FMNL1: variants seen among roughly 807,000 people sequenced by gnomAD.
FMNL1 encodes the protein formin like 1.
A neutral mutation model predicts 121.3 loss-of-function variants in FMNL1; 43 were observed. The ratio of observed to expected loss-of-function variants is 0.35; its 90% confidence interval spans 0.28 to 0.46. The LOEUF is 0.46. FMNL1 is among the 20% of genes least tolerant of loss of function. FMNL1 has a pLI of 1.00. For synonymous variants in FMNL1, 613 were observed against 613.5 expected (o/e 1.00, Z 0.01); for missense variants, 1,191 against 1,482.4 (o/e 0.80, Z 3.23).
rs372669041 is a variant in FMNL1 at position 45,242,067 on chromosome 17, T to TCCG, written c.1830_1832dup (p.Pro612dup). 70,265 of 1,461,472 alleles carry TCCG rather than the reference T, an allele frequency of 0.048. 1,460 individuals carry two copies. Among genetic ancestry groups the TCCG allele is most frequent in the African/African-American group, 0.077 (5,308 of 69,036 alleles). 90.5% of individuals were successfully genotyped at this position (1,461,472 alleles called of 1,614,324 possible). ...CTCCGGGCACTGACGGGCCGGTGCC[T>TCCG]CCGCCGCCGCCGCCGCCGCCGCCGC... On this transcript the variant is annotated inframe_insertion, in exon 15 of 27. Transcript: ENST00000331495.
At chr17:45,228,210 G>A (rs1218072789) in intron 1 of FMNL1, among the ~76,000 whole-genome samples, 1 of 152,232 alleles carries the variant, frequency 6.6e-6, no homozygotes, top group African/African-American at 2.4e-5. Flanking sequence ...CAGCTGAGGA[G>A]CAGCTGCTAA....
chr17:45,238,130 G>A (rs1293101495), intron 9 of FMNL1: 5 of 193,138 alleles, frequency 2.6e-5, no homozygotes, highest in African/African-American at 4.7e-5. Flanking sequence ...AGACAGAAAC[G>A]ATATAATAAA....
chr17:45,232,838 A>C, intron 3 of FMNL1: 1 of 567,294 alleles, frequency 1.8e-6, no homozygotes, highest in South Asian at 1.5e-5. Flanking sequence ...TAGGAGAGAG[A>C]GAGAATGTGT....
chr17:45,222,154 GC>G lies in FMNL1; in HGVS notation c.33del (p.Ala12ArgfsTer32). 1 of 1,200,310 alleles carries G rather than the reference GC, an allele frequency of 8.3e-7. No homozygotes were observed. Among genetic ancestry groups the G allele is most frequent in the Non-Finnish European group, 1.0e-6 (1 of 969,970 alleles). The allele number at this position is 1,200,310 out of a possible 1,614,324, so 74.4% of individuals were successfully genotyped here. Reference sequence around the variant, plus strand: ...GCAACGCGGCCGGCAGCGCCGAGCAGCCCGCGGGCCCCGCCGCGCCGCCCCC... The same window carrying G: ...GCAACGCGGCCGGCAGCGCCGAGCAGCCGCGGGCCCCGCCGCGCCGCCCCC... The part of the protein sequence containing the change: MGNAAGSAEQ[P>X]AGPAAPPPKQ... On this transcript the variant is annotated frameshift_variant, in exon 1 of 27. Coordinates refer to ENST00000331495, the MANE Select transcript of FMNL1 (RefSeq NM_005892.4). LOFTEE classifies it high-confidence loss of function.
chr17:45,224,340 CT>C (rs2043290491), intron 1 of FMNL1, among the ~76,000 whole-genome samples: 1 of 152,150 alleles, frequency 6.6e-6, no homozygotes, highest in Non-Finnish European at 1.5e-5. Context: ...ACCCTCAGGT[CT>C]GGCAGTGTGT....
intron 18 of FMNL1, 37 bp from the exon 19 acceptor site, chr17:45,244,139 G>T: frequency 6.2e-7 from 1 of 1,611,044 alleles, no homozygotes; most frequent in Non-Finnish European, 8.5e-7. Flanking sequence ...GATGGAGGAG[G>T]CTCCAACTTA....
At chr17:45,246,134 T>G (rs757757042) in intron 24 of FMNL1, 76 bp from the exon 25 acceptor site, 10 of 1,553,512 alleles carry the variant, frequency 6.4e-6, no homozygotes, top group Middle Eastern at 1.7e-4. Context: ...GTCCTTGCTG[T>G]GGGGGACCAG....
chr17:45,241,812 C>T lies in FMNL1; in HGVS notation c.1586-35C>T. 4 of 1,403,144 alleles carry T rather than the reference C, an allele frequency of 2.9e-6. No individual in the cohort carries two copies. Among genetic ancestry groups the T allele is most frequent in the Non-Finnish European group, 3.7e-6 (4 of 1,085,956 alleles). 86.9% of individuals were successfully genotyped at this position (1,403,144 alleles called of 1,614,324 possible). A position where few individuals can be genotyped will look rare whatever the true frequency, so the allele number is the denominator to read the frequency against. On this transcript the variant is annotated intron_variant, in intron 14 of 26. Coordinates refer to ENST00000331495, the MANE Select transcript of FMNL1 (RefSeq NM_005892.4). This position sits in a 1 kb window ranked among gnomAD's most constrained non-coding sequence, Gnocchi z 7.0. ...GCCCACCCAAGTCAAGGAGCTGACT[C>T]GCGCCTCCCCCACGCCGCGCCCTCG...
chr17:45,222,081 A>T lies in FMNL1; in HGVS notation c.-44A>T. The T allele has an allele frequency of 8.8e-7, 1 of 1,135,818 alleles. No individual in the cohort carries two copies. Among genetic ancestry groups the T allele is most frequent in the Non-Finnish European group, 1.1e-6 (1 of 927,120 alleles). 70.4% of individuals were successfully genotyped at this position (1,135,818 alleles called of 1,614,324 possible). On this transcript the variant is annotated 5_prime_UTR_variant, in exon 1 of 27. Coordinates refer to ENST00000331495, the MANE Select transcript of FMNL1 (RefSeq NM_005892.4). ...TCGTCCCCGTCCCCCGGAAAGCTGGATTTCCGAGGCTGGAGGCGCCTGGCC... is the reference window on the plus strand; with the variant it reads ...TCGTCCCCGTCCCCCGGAAAGCTGGTTTTCCGAGGCTGGAGGCGCCTGGCC...
At position 45,243,860 on chromosome 17, in the gene FMNL1, G is replaced by C. The variant is rs2043765534; in HGVS notation, c.2283G>C (p.Glu761Asp). The change falls in exon 18 of 27, where the codon GAG (glutamate) becomes GAC (aspartate). Residue 761 changes from glutamate to aspartate, a missense_variant. Glu to Asp is a conservative substitution (Grantham distance 45). Around this residue, in one of 4 missense-constraint regions of FMNL1, gnomAD observed 367 missense variants for 528.6 expected, o/e 0.69. Transcript: ENST00000331495. ...LLMRFLPTEY[E>D]RSLITRFERE... ...TGCGCTTCCTGCCCACAGAGTATGAGCGCAGCCTCATCACCCGCTTTGAGC... is the reference window on the plus strand; with the variant it reads ...TGCGCTTCCTGCCCACAGAGTATGACCGCAGCCTCATCACCCGCTTTGAGC... 1 of 1,613,926 alleles carries C rather than the reference G, an allele frequency of 6.2e-7. No homozygotes were observed. Among genetic ancestry groups the C allele is most frequent in the Non-Finnish European group, 8.5e-7 (1 of 1,180,040 alleles).
chr17:45,246,085 G>T, intron 24 of FMNL1, 112 bp downstream of exon 24: 1 of 1,524,340 alleles, frequency 6.6e-7, no homozygotes, highest in Non-Finnish European at 8.8e-7. Flanking sequence ...TGCCCCAGGA[G>T]CCTGGGATGG....
In FMNL1 at chr17:45,236,196, C is replaced by T. The variant is rs767012221; in HGVS notation, c.675C>T (p.Asp225=). Residue 225 remains aspartate, a synonymous_variant, in exon 7 of 27, where the codon GAC becomes GAT. Coordinates refer to ENST00000331495, the MANE Select transcript of FMNL1 (RefSeq NM_005892.4). The part of the protein sequence containing the change: ...LRNSRIVSQK[D]DVHVCIMCLR... ...ATTCCCGCATCGTCAGCCAGAAGGA[C>T]GACGTCCACGTCTGTATTATGTGCC... The T allele has an allele frequency of 1.4e-5, 22 of 1,614,018 alleles. No individual in the cohort carries two copies. The East Asian group carries it at 2.2e-4, about 16-fold the overall frequency.
chr17:45,226,159 C>T (rs2043324697), intron 1 of FMNL1, among the ~76,000 whole-genome samples: 1 of 152,238 alleles, frequency 6.6e-6, no homozygotes, highest in Non-Finnish European at 1.5e-5. Context: ...AGGTCACCAG[C>T]AGTGGGGCCC....
chr17:45,223,002 G>T (rs1208108953), intron 1 of FMNL1, among the ~76,000 whole-genome samples: 1 of 152,176 alleles, frequency 6.6e-6, no homozygotes, highest in Non-Finnish European at 1.5e-5. Flanking sequence ...GGCCGAGCCT[G>T]GAAACAGTCA....
In FMNL1 at chr17:45,245,091, T is replaced by C; in HGVS notation, c.2711T>C (p.Leu904Pro). The C allele has an allele frequency of 6.2e-7, 1 of 1,614,140 alleles. No individual in the cohort carries two copies. Among genetic ancestry groups the C allele is most frequent in the Non-Finnish European group, 8.5e-7 (1 of 1,179,994 alleles). ...LTGFHSDLHF[L>P]DKAGSVSLDS... ...GGCTTCCACAGCGACCTGCACTTCC[T>C]GGACAAGGCGGGCTCAGGTAGGAGA... Residue 904 changes from leucine to proline, a missense_variant, in exon 21 of 27, where the codon CTG (leucine) becomes CCG (proline). Physicochemically the swap from Leu to Pro is moderately conservative, Grantham distance 98. Transcript: ENST00000331495.
At chr17:45,230,792 A>G (rs2043421764) in intron 2 of FMNL1, 105 bp downstream of exon 2, 3 of 1,236,118 alleles carry the variant, frequency 2.4e-6, no homozygotes, top group Non-Finnish European at 3.4e-6. Flanking sequence ...CTGCCCATGG[A>G]GCCAAGACTC....
chr17:45,244,767 G>A, intron 19 of FMNL1, 52 bp from the exon 20 acceptor site: 1 of 1,562,030 alleles, frequency 6.4e-7, no homozygotes, highest in Non-Finnish European at 8.7e-7. Flanking sequence ...ATATGCTTAA[G>A]CGGTGTCCTC....
chr17:45,246,176 G>T, intron 24 of FMNL1, 34 bp from the exon 25 acceptor site: 2 of 1,584,622 alleles, frequency 1.3e-6, no homozygotes, highest in African/African-American at 1.3e-5. Context: ...TGATGGGGAG[G>T]CATCCTGGAG....
In FMNL1 at chr17:45,241,876, G is replaced by A; in HGVS notation, c.1615G>A (p.Gly539Arg). The change falls in exon 15 of 27, where the codon GGA becomes AGA. Residue 539 changes from glycine to arginine, a missense_variant. Gly to Arg is a moderately radical substitution (Grantham distance 125). Coordinates refer to ENST00000331495, the MANE Select transcript of FMNL1 (RefSeq NM_005892.4). The surrounding 1 kb of genome is among the most constrained non-coding windows in gnomAD (Gnocchi z 7.0). Reference sequence around the variant, plus strand: ...CGCACCTGCAGCAGAGCCGGCTCCCGGAGCAGCGCCACCGCCGCCGCCCCC... The same window carrying A: ...CGCACCTGCAGCAGAGCCGGCTCCCAGAGCAGCGCCACCGCCGCCGCCCCC... ...DLAPAAEPAP[G>R]AAPPPPPPLP... 4 of 1,431,238 alleles carry A rather than the reference G, an allele frequency of 2.8e-6. No homozygotes were observed. Among genetic ancestry groups the A allele is most frequent in the Non-Finnish European group, 3.6e-6 (4 of 1,100,958 alleles). The allele number at this position is 1,431,238 out of a possible 1,614,324, so 88.7% of individuals were successfully genotyped here.
Sources: allele counts gnomAD v4.1 joint callset (sites outside exome capture counted in the v4.1 genomes callset), GRCh38; gene constraint gnomAD v4.1.1; regional missense constraint gnomAD v4.1.1; non-coding constraint Gnocchi (gnomAD v3.1); transcripts MANE v1.5; gene names NCBI Gene and HGNC (gene_info 2026-07-23, HGNC 2026-07-21).